The following RTTN variants were observed in gnomAD, a reference collection of about 807,000 sequenced individuals.
RTTN encodes rotatin.
In RTTN, 182 loss-of-function variants were observed where a neutral mutation model predicts 269.2. The observed-to-expected ratio is 0.68, with a 90% confidence interval of 0.60 to 0.76. The LOEUF (loss-of-function observed/expected upper bound fraction) is 0.76. Among genes scored for constraint, RTTN ranks in the 30% least tolerant of loss-of-function variants. The pLI is 0.00. For synonymous variants in RTTN, 1,006 were observed against 963.5 expected, an observed-to-expected ratio of 1.04 and a Z score of -0.82; for missense variants, 2,545 against 2,608.6, an observed-to-expected ratio of 0.98 and a Z score of 0.53.
intron 37 of RTTN, among the ~76,000 whole-genome samples, 191 bp from the exon 38 acceptor site, chr18:70,054,475 C>T (rs1795411127): frequency 6.6e-6 from 1 of 152,152 alleles, no homozygotes; most frequent in Non-Finnish European, 1.5e-5. Context: ...CATATTAATA[C>T]TGTCAACTAT....
At chr18:70,076,903 C>CA (rs2058442607) in intron 32 of RTTN, among the ~76,000 whole-genome samples, 1 of 25,564 alleles carries the variant, frequency 3.9e-5, no homozygotes, top group Non-Finnish European at 2.4e-4. Flanking sequence ...AGTATTCACC[C>CA]AAAATCACAG....
At chr18:70,182,441 T>A (rs1273992116) in intron 10 of RTTN, among the ~76,000 whole-genome samples, 1 of 152,100 alleles carries the variant, frequency 6.6e-6, no homozygotes, top group African/African-American at 2.4e-5. Context: ...CAATATATAT[T>A]TTTATGACTA....
chr18:70,184,716 T>TTTGTG (rs59000945), intron 10 of RTTN, among the ~76,000 whole-genome samples: 26 of 33,450 alleles, frequency 7.8e-4, no homozygotes, highest in East Asian at 1.6e-3. Context: ...TTTTTTTTTT[T>TTTGTG]TGTGTGTGTG....
intron 32 of RTTN, among the ~76,000 whole-genome samples, chr18:70,080,814 C>T (rs1220705890): frequency 1.3e-5 from 2 of 151,980 alleles, no homozygotes; most frequent in African/African-American, 4.8e-5. Flanking sequence ...AGTCATTATA[C>T]AAAAAAGATA....
intron 46 of RTTN, among the ~76,000 whole-genome samples, chr18:70,010,312 T>C (rs1332301559): frequency 6.6e-6 from 1 of 152,178 alleles, no homozygotes; most frequent in Non-Finnish European, 1.5e-5. Context: ...TCGCACTTAT[T>C]CTAAAACTGA....
At chr18:70,050,642 T>A (rs1048717922) in intron 39 of RTTN, among the ~76,000 whole-genome samples, 1 of 152,214 alleles carries the variant, frequency 6.6e-6, no homozygotes, top group Non-Finnish European at 1.5e-5. Flanking sequence ...ACTGTGGCAC[T>A]GTTCACAATA....
chr18:70,125,982 T>C (rs2059855073), intron 25 of RTTN, among the ~76,000 whole-genome samples: 1 of 152,070 alleles, frequency 6.6e-6, no homozygotes, highest in South Asian at 2.1e-4. Flanking sequence ...GGCAGTAGTG[T>C]CTGTGTTGCC....
At chr18:70,182,379 C>T (rs958420343) in intron 10 of RTTN, among the ~76,000 whole-genome samples, 3 of 151,596 alleles carry the variant, frequency 2.0e-5, no homozygotes, top group Admixed American at 1.3e-4. Flanking sequence ...AAATATAGAC[C>T]GACTTACATC....
intron 11 of RTTN, among the ~76,000 whole-genome samples, chr18:70,171,467 A>G (rs956636933): frequency 6.6e-6 from 1 of 152,236 alleles, no homozygotes; most frequent in Non-Finnish European, 1.5e-5. Flanking sequence ...CCACAAAGGA[A>G]TTCCAATGTT....
At chr18:70,089,740 G>A (rs1249094630) in intron 30 of RTTN, among the ~76,000 whole-genome samples, 1 of 152,216 alleles carries the variant, frequency 6.6e-6, no homozygotes, top group Non-Finnish European at 1.5e-5. Flanking sequence ...TGGTTAAGCT[G>A]TGGTCATGTT....
chr18:70,160,215 C>G (rs529065650), intron 14 of RTTN, among the ~76,000 whole-genome samples: 49 of 151,674 alleles, frequency 3.2e-4, no homozygotes, highest in African/African-American at 1.2e-3. Flanking sequence ...ACCAGCAGGA[C>G]AGCAAAAAGC....
At chr18:70,116,902 T>G (rs1599632648) in intron 26 of RTTN, among the ~76,000 whole-genome samples, 2 of 107,116 alleles carry the variant, frequency 1.9e-5, no homozygotes, top group Middle Eastern at 8.9e-3. Flanking sequence ...AGCCCCACAT[T>G]TGTGAACTTC....
chr18:70,187,916 C>G (rs2061583536), intron 10 of RTTN, among the ~76,000 whole-genome samples, 192 bp downstream of exon 10: 1 of 152,132 alleles, frequency 6.6e-6, no homozygotes, highest in Non-Finnish European at 1.5e-5. Context: ...AATATACGTT[C>G]CACTATTAGA....
intron 7 of RTTN, among the ~76,000 whole-genome samples, chr18:70,196,081 T>C (rs1422549304): frequency 1.3e-5 from 2 of 152,220 alleles, no homozygotes; most frequent in Non-Finnish European, 2.9e-5. Flanking sequence ...CTTGACTACA[T>C]TGCAAGTTGC....
At chr18:70,082,867 A>T (rs1329567178) in intron 32 of RTTN, among the ~76,000 whole-genome samples, 2 of 151,630 alleles carry the variant, frequency 1.3e-5, no homozygotes, top group African/African-American at 2.4e-5. Context: ...AATTTTTAAA[A>T]TTTTTTTTAG....
chr18:70,162,201 CT>C (rs1431679244), intron 14 of RTTN, among the ~76,000 whole-genome samples: 1 of 152,094 alleles, frequency 6.6e-6, no homozygotes, highest in Non-Finnish European at 1.5e-5. Context: ...AAAATAATGT[CT>C]TTTGCAGCAA....
At chr18:70,160,850 A>T (rs2060808833) in intron 14 of RTTN, among the ~76,000 whole-genome samples, 1 of 152,016 alleles carries the variant, frequency 6.6e-6, no homozygotes, top group Non-Finnish European at 1.5e-5. Flanking sequence ...GATATCAGAG[A>T]TGACACAAAT....
chr18:70,057,690 T>C (rs919565495), intron 37 of RTTN, 52 bp downstream of exon 37: 1 of 1,399,554 alleles, frequency 7.1e-7, no homozygotes, highest in African/African-American at 1.4e-5. Flanking sequence ...GCAAGATTTT[T>C]ATTTTTGACA....
chr18:70,011,856 T>C (rs1599093005), intron 46 of RTTN, among the ~76,000 whole-genome samples: 1 of 152,102 alleles, frequency 6.6e-6, no homozygotes, highest in Non-Finnish European at 1.5e-5. Context: ...TGCTCACTGG[T>C]ATTGGTTAGA....
Sources: gnomAD v4.1 joint callset for allele counts (sites outside exome capture counted in the v4.1 genomes callset) on GRCh38, gnomAD v4.1.1 for gene constraint, MANE v1.5 for transcripts, NCBI Gene and HGNC (gene_info 2026-07-23, HGNC 2026-07-21) for gene names.